ATG5: variants seen among roughly 807,000 people sequenced by gnomAD.
ATG5 encodes the protein autophagy related 5.
A neutral mutation model predicts 36.5 loss-of-function variants in ATG5; 14 were observed. The observed-to-expected ratio is 0.38, with a 90% confidence interval of 0.25 to 0.60. The LOEUF (loss-of-function observed/expected upper bound fraction) is 0.60, where lower values mean the gene tolerates loss of function less well. Among genes scored for constraint, ATG5 ranks in the 20% least tolerant of loss-of-function variants. The pLI is 0.60. For missense variants in ATG5, 195 were observed against 326.7 expected (o/e 0.60, Z 3.11); for synonymous variants, 95 against 101.5 (o/e 0.94, Z 0.38).
At chr6:106,200,668 G>T (rs1365364506) in intron 7 of ATG5, among the ~76,000 whole-genome samples, 1 of 152,086 alleles carries the variant, frequency 6.6e-6, no homozygotes, top group Non-Finnish European at 1.5e-5. Flanking sequence ...TTTTAGTAGA[G>T]ACAGGGTTTC....
chr6:106,303,963 A>G (rs1770320094), intron 3 of ATG5, among the ~76,000 whole-genome samples: 1 of 149,708 alleles, frequency 6.7e-6, no homozygotes, highest in African/African-American at 2.5e-5. Context: ...AGTTCTAGCT[A>G]CTCCAATAAG....
intron 4 of ATG5, among the ~76,000 whole-genome samples, chr6:106,282,802 AT>A (rs1434291555): frequency 6.6e-6 from 1 of 151,826 alleles, no homozygotes; most frequent in Non-Finnish European, 1.5e-5. Context: ...AGATTTTTTT[AT>A]TTTGAGAGGG....
intron 5 of ATG5, among the ~76,000 whole-genome samples, chr6:106,248,872 A>C (rs192195600): frequency 6.6e-6 from 1 of 152,288 alleles, no homozygotes; most frequent in Admixed American, 6.5e-5. Context: ...TGGGAGACAG[A>C]GGTTGTGGTG....
At chr6:106,315,377 T>G (rs1473813611) in intron 2 of ATG5, among the ~76,000 whole-genome samples, 1 of 152,196 alleles carries the variant, frequency 6.6e-6, no homozygotes, top group Non-Finnish European at 1.5e-5. Context: ...TATTATGGGC[T>G]ATTCAGTGAA....
chr6:106,291,304 T>C (rs1019217616), intron 4 of ATG5, among the ~76,000 whole-genome samples: 5 of 152,240 alleles, frequency 3.3e-5, no homozygotes, highest in Non-Finnish European at 7.3e-5. Flanking sequence ...TGGTGTTCTT[T>C]TTACTCTAAG....
intron 6 of ATG5, among the ~76,000 whole-genome samples, chr6:106,211,183 A>T (rs1023653513): frequency 4.6e-5 from 7 of 152,220 alleles, no homozygotes; most frequent in Non-Finnish European, 7.3e-5. Context: ...CCATCAGAGT[A>T]AAAGGAGATT....
chr6:106,314,968 A>C (rs1391118566), intron 2 of ATG5, among the ~76,000 whole-genome samples: 1 of 152,226 alleles, frequency 6.6e-6, no homozygotes, highest in African/African-American at 2.4e-5. Flanking sequence ...AAAACCCATA[A>C]AGATGATTTC....
chr6:106,285,173 A>AC (rs774973597), intron 4 of ATG5, among the ~76,000 whole-genome samples: 1 of 152,170 alleles, frequency 6.6e-6, no homozygotes, highest in Non-Finnish European at 1.5e-5. Flanking sequence ...AAAGAACCTT[A>AC]CTTCTGCCAT....
At chr6:106,292,085 A>G (rs919647925) in intron 4 of ATG5, among the ~76,000 whole-genome samples, 2 of 152,184 alleles carry the variant, frequency 1.3e-5, no homozygotes, top group East Asian at 3.9e-4. Context: ...GCCTCTCTCC[A>G]ATAATGTATT....
At position 106,186,670 on chromosome 6, in the gene ATG5, T is replaced by C. The variant is rs898608321; in HGVS notation, c.698A>G (p.Glu233Gly). The C allele has an allele frequency of 4.3e-6, 7 of 1,613,324 alleles. No individual in the cohort carries two copies. Among genetic ancestry groups the C allele is most frequent in the Non-Finnish European group, 5.9e-6 (7 of 1,179,812 alleles). The change falls in exon 8 of 8, where the codon GAA becomes GGA. Residue 233 changes from glutamate (E) to glycine (G), a missense_variant. Physicochemically the swap from Glu to Gly is moderately conservative, Grantham distance 98 (BLOSUM62 -2). Transcript: ENST00000369076. ...CPSAIDPEDG[E>G]KKNQVMIHGI... ...ATGAATCATCACTTGATTCTTTTTT[T>C]CCCCATCTATTCCAAGAAAGAAACC...
intron 6 of ATG5, among the ~76,000 whole-genome samples, chr6:106,223,164 T>C (rs511472): frequency 0.045 from 6,796 of 152,266 alleles, 420 homozygotes; most frequent in East Asian, 0.25. Flanking sequence ...ATAAAGCATT[T>C]CCTAAAAAAG....
chr6:106,201,869 A>C, intron 7 of ATG5, 103 bp downstream of exon 7: 1 of 820,802 alleles, frequency 1.2e-6, no homozygotes, highest in Non-Finnish European at 1.9e-6. Context: ...TAAGATATGA[A>C]AATATCTTCC....
intron 6 of ATG5, among the ~76,000 whole-genome samples, chr6:106,209,297 T>C (rs978355987): frequency 6.6e-6 from 1 of 152,138 alleles, no homozygotes; most frequent in African/African-American, 2.4e-5. Context: ...AACAGGTGAA[T>C]GCTTATAAAC....
At chr6:106,317,651 C>T (rs1770903057) in intron 1 of ATG5, among the ~76,000 whole-genome samples, 1 of 152,186 alleles carries the variant, frequency 6.6e-6, no homozygotes, top group Non-Finnish European at 1.5e-5. Flanking sequence ...ATAAAAACAA[C>T]TACTTTAAGC....
intron 7 of ATG5, among the ~76,000 whole-genome samples, chr6:106,193,286 C>T (rs1242953444): frequency 1.3e-5 from 2 of 152,314 alleles, no homozygotes; most frequent in Admixed American, 1.3e-4. Flanking sequence ...TCTTAATGAA[C>T]ATGCAATATC....
At chr6:106,206,940 G>C (rs1157012156) in intron 6 of ATG5, among the ~76,000 whole-genome samples, 1 of 152,088 alleles carries the variant, frequency 6.6e-6, no homozygotes, top group Non-Finnish European at 1.5e-5. Context: ...TATAAAATTA[G>C]ACAAGACTAA....
At chr6:106,204,937 G>GA (rs1468331401) in intron 6 of ATG5, among the ~76,000 whole-genome samples, 2 of 152,160 alleles carry the variant, frequency 1.3e-5, no homozygotes, top group Admixed American at 1.3e-4. Flanking sequence ...ATAATCAAGT[G>GA]ATTAACTGTG....
intron 6 of ATG5, among the ~76,000 whole-genome samples, chr6:106,213,399 T>C (rs977096115): frequency 2.0e-5 from 3 of 152,328 alleles, no homozygotes; most frequent in South Asian, 2.1e-4. Context: ...TTGGAAGCTA[T>C]ATCAGTAGGT....
At chr6:106,313,421 G>A (rs930730422) in intron 2 of ATG5, among the ~76,000 whole-genome samples, 3 of 152,170 alleles carry the variant, frequency 2.0e-5, no homozygotes, top group African/African-American at 7.2e-5. Context: ...AATGTTAAGG[G>A]TCCATGACAT....
Sources: gnomAD v4.1 joint callset for allele counts (sites outside exome capture counted in the v4.1 genomes callset) on GRCh38, gnomAD v4.1.1 for gene constraint, MANE v1.5 for transcripts, NCBI Gene and HGNC (gene_info 2026-07-23, HGNC 2026-07-21) for gene names.